Variants in CEMIP observed in about 807,000 individuals in gnomAD.
CEMIP encodes the protein cell migration-inducing and hyaluronan-binding protein.
In CEMIP, 105 loss-of-function variants were observed where a neutral mutation model predicts 156.9. The ratio of observed to expected loss-of-function variants is 0.67; its 90% CI spans 0.57 to 0.79. The LOEUF (loss-of-function observed/expected upper bound fraction) is 0.79. Among genes scored for constraint, CEMIP ranks in the 30% least tolerant of loss-of-function variants. The pLI is 0.00. For synonymous variants in CEMIP, 676 were observed against 668.4 expected, an observed-to-expected ratio of 1.01 and a Z score of -0.17; for missense variants, 1,457 against 1,769.4, an observed-to-expected ratio of 0.82 and a Z score of 3.17.
At chr15:80,882,316 T>C (rs1281318549) in intron 6 of CEMIP, among the ~76,000 whole-genome samples, 1 of 152,254 alleles carries the variant, frequency 6.6e-6, no homozygotes, top group Non-Finnish European at 1.5e-5. Context: ...AGGCAAGTTC[T>C]GTTATTATCT....
chr15:80,934,729 A>C (rs1301968860), intron 23 of CEMIP, among the ~76,000 whole-genome samples: 1 of 152,108 alleles, frequency 6.6e-6, no homozygotes, highest in Non-Finnish European at 1.5e-5. Context: ...CATAAGGGGC[A>C]AAGAGGGCAC....
At chr15:80,926,617 T>G (rs1378668413) in intron 19 of CEMIP, among the ~76,000 whole-genome samples, 1 of 151,762 alleles carries the variant, frequency 6.6e-6, no homozygotes, top group Non-Finnish European at 1.5e-5. Flanking sequence ...AATGCAGAGA[T>G]CTGGGGAGAA....
At chr15:80,913,925 T>C (rs1481078169) in intron 14 of CEMIP, among the ~76,000 whole-genome samples, 1 of 152,258 alleles carries the variant, frequency 6.6e-6, no homozygotes, top group Non-Finnish European at 1.5e-5. Flanking sequence ...CTCATTCGCA[T>C]CTTACAGAGC....
intron 14 of CEMIP, among the ~76,000 whole-genome samples, chr15:80,911,157 A>G (rs1193954297): frequency 6.6e-6 from 1 of 152,180 alleles, no homozygotes; most frequent in Non-Finnish European, 1.5e-5. Flanking sequence ...CATGGAAAGC[A>G]TGGAGCCCAG....
At chr15:80,804,661 G>A (rs552917912) in intron 1 of CEMIP, among the ~76,000 whole-genome samples, 93 of 152,270 alleles carry the variant, frequency 6.1e-4, no homozygotes, top group African/African-American at 2.0e-3. Context: ...AAGCACGTGC[G>A]TCTTTCCTAA....
rs759669197 is a variant in CEMIP, at chr15:80,909,289, G to A, written c.1780G>A (p.Gly594Ser). 3.7e-6 allele frequency: 6 copies of A among 1,614,050 alleles called. No homozygotes were observed. The South Asian group carries it at 6.6e-5, about 18-fold the overall frequency. The change falls in exon 14 of 30, where the codon GGC (glycine) becomes AGC (serine). Residue 594 changes from glycine (G) to serine (S), a missense_variant. This residue lies in a region of CEMIP where 53 missense variants were observed against 104.5 expected (regional missense o/e 0.51). Coordinates refer to ENST00000394685, the MANE Select transcript of CEMIP (RefSeq NM_001293298.2). ...HTFSRCVTVH[G>S]SNGLLIKDVV... ...ATTCTCTCGCTGCGTCACAGTCCAT[G>A]GCTCCAATGGCTTGTTGGTAAGAAC... is the stretch of plus-strand genomic sequence containing the variant.
rs1270708520 is a variant in CEMIP at position 80,943,027 on chromosome 15, A to G, written c.3782A>G (p.His1261Arg). The change falls in exon 28 of 30, where the codon CAC becomes CGC. Residue 1261 changes from histidine to arginine, a missense_variant. Physicochemically the swap from His to Arg is conservative, Grantham distance 29. Transcript: ENST00000394685. ...IDGNQGRVVS[H>R]TSFRNSILQG... ...GGGAACCAAGGGCGCGTGGTGAGCC[A>G]CACGAGCTTCAGGAACTCCATTCTG... is the stretch of plus-strand genomic sequence containing the variant. 1.9e-6 allele frequency: 3 copies of G among 1,614,128 alleles called. No homozygotes were observed. Among genetic ancestry groups the G allele is most frequent in the Non-Finnish European group, 2.5e-6 (3 of 1,180,048 alleles).
At chr15:80,822,128 C>T (rs917101635) in intron 1 of CEMIP, among the ~76,000 whole-genome samples, 9 of 152,208 alleles carry the variant, frequency 5.9e-5, no homozygotes, top group East Asian at 5.8e-4. Context: ...CAACTGGCTT[C>T]GACAGAAGCT....
At chr15:80,887,011 G>A (rs545480991) in intron 7 of CEMIP, among the ~76,000 whole-genome samples, 1 of 152,290 alleles carries the variant, frequency 6.6e-6, no homozygotes, top group East Asian at 1.9e-4. Context: ...TTGCCATTTT[G>A]GGGGGTAGCG....
intron 19 of CEMIP, among the ~76,000 whole-genome samples, chr15:80,926,307 TC>T (rs1900666318): frequency 6.6e-6 from 1 of 152,026 alleles, no homozygotes; most frequent in Non-Finnish European, 1.5e-5. Flanking sequence ...TCATATGAGG[TC>T]CCTATGTGAG....
intron 29 of CEMIP, chr15:80,948,403 C>T (rs1280314503): frequency 9.1e-6 from 3 of 329,416 alleles, no homozygotes; most frequent in East Asian, 1.5e-4. Context: ...TAGATCAATG[C>T]CATCATTTGA....
chr15:80,814,840 G>C (rs993271139), intron 1 of CEMIP, among the ~76,000 whole-genome samples: 1 of 152,082 alleles, frequency 6.6e-6, no homozygotes, highest in Non-Finnish European at 1.5e-5. Flanking sequence ...TAAATTCTAG[G>C]GGTGTGCTTT....
In CEMIP at chr15:80,950,967, G is replaced by C. The variant is rs1283231623; in HGVS notation, c.*2043G>C. The C allele has an allele frequency of 6.5e-6, 1 of 152,698 alleles. No individual in the cohort carries two copies. Among genetic ancestry groups the C allele is most frequent in the African/African-American group, 2.4e-5 (1 of 41,472 alleles). The allele number at this position is 152,698 out of a possible 1,614,324, so 9.5% of individuals were successfully genotyped here. A position where few individuals can be genotyped will look rare whatever the true frequency, so the allele number is the denominator to read the frequency against. ...TCCATTCCCCAGGTGGGAGCCAACTGTCAGGGAGGTCTTTCCCACCAAACA... is the reference window on the plus strand; with the variant it reads ...TCCATTCCCCAGGTGGGAGCCAACTCTCAGGGAGGTCTTTCCCACCAAACA... On this transcript the variant is annotated 3_prime_UTR_variant, in exon 30 of 30. Transcript: ENST00000394685.
At chr15:80,908,607 A>G (rs927717604) in intron 13 of CEMIP, among the ~76,000 whole-genome samples, 2 of 152,158 alleles carry the variant, frequency 1.3e-5, no homozygotes, top group Non-Finnish European at 2.9e-5. Context: ...GCTCATGAAG[A>G]TTCCAGAGTC....
intron 1 of CEMIP, among the ~76,000 whole-genome samples, chr15:80,842,740 A>G (rs1464808916): frequency 6.6e-6 from 1 of 152,116 alleles, no homozygotes; most frequent in African/African-American, 2.4e-5. Context: ...CTCAAAAAAA[A>G]AGAGAGAGAG....
At chr15:80,835,946 T>TG (rs1215131811) in intron 1 of CEMIP, among the ~76,000 whole-genome samples, 1 of 144,950 alleles carries the variant, frequency 6.9e-6, no homozygotes, top group Non-Finnish European at 1.6e-5. Context: ...TATTTTTAAG[T>TG]GTTTTTTTTT....
intron 1 of CEMIP, among the ~76,000 whole-genome samples, chr15:80,828,692 A>G (rs766059132): frequency 1.3e-5 from 2 of 152,194 alleles, no homozygotes; most frequent in Non-Finnish European, 2.9e-5. Flanking sequence ...GGCGTAGTGG[A>G]ATTGAATCTT....
chr15:80,892,464 C>T (rs975743214), intron 10 of CEMIP, among the ~76,000 whole-genome samples: 1 of 152,186 alleles, frequency 6.6e-6, no homozygotes, highest in Non-Finnish European at 1.5e-5. Context: ...CCCAGCCACC[C>T]TTCAAGGCCA....
At chr15:80,896,684 C>A (rs545659309) in intron 12 of CEMIP, among the ~76,000 whole-genome samples, 1 of 152,264 alleles carries the variant, frequency 6.6e-6, no homozygotes, top group African/African-American at 2.4e-5. Context: ...AAAGAGACTT[C>A]AAATATAATC....
Sources: gnomAD v4.1 joint callset for allele counts (sites outside exome capture counted in the v4.1 genomes callset) on GRCh38, gnomAD v4.1.1 for gene constraint, gnomAD v4.1.1 regional missense constraint, MANE v1.5 for transcripts, NCBI Gene and HGNC (gene_info 2026-07-23, HGNC 2026-07-21) for gene names.